Variants in CACHD1 observed in about 807,000 individuals in gnomAD.
The protein encoded by CACHD1 is VWFA and cache domain-containing protein 1.
CACHD1 carries 71 observed loss-of-function variants against 138.7 expected under a neutral mutation model. The observed-to-expected ratio is 0.51, with a 90% CI of 0.42 to 0.62. The LOEUF is 0.62. Among genes scored for constraint, CACHD1 ranks in the 20% least tolerant of loss-of-function variants. The probability of loss-of-function intolerance (pLI) is 0.00; values close to 1 mark genes in which losing one functional copy is unlikely to be tolerated. For missense variants in CACHD1, 1,389 were observed against 1,625.3 expected (o/e 0.85, Z 2.50); for synonymous variants, 578 against 591.5 (o/e 0.98, Z 0.33).
chr1:64,643,160 A>G (rs571630010), intron 8 of CACHD1, among the ~76,000 whole-genome samples: 178 of 149,580 alleles, frequency 1.2e-3, no homozygotes, highest in African/African-American at 4.2e-3. Flanking sequence ...CATGTGGTTC[A>G]GGGACAGTGG....
chr1:64,513,758 C>G (rs971491055), intron 1 of CACHD1, among the ~76,000 whole-genome samples: 3 of 152,230 alleles, frequency 2.0e-5, no homozygotes, highest in African/African-American at 7.2e-5. Flanking sequence ...TAGGAGCCAC[C>G]TAAAAGAAAC....
chr1:64,521,946 G>C (rs1044843096), intron 1 of CACHD1, among the ~76,000 whole-genome samples: 1 of 150,464 alleles, frequency 6.6e-6, no homozygotes, highest in African/African-American at 2.4e-5. Context: ...GGCATCCTTT[G>C]ATGCACAAAA....
intron 1 of CACHD1, among the ~76,000 whole-genome samples, chr1:64,546,299 T>C (rs1646717721): frequency 6.6e-6 from 1 of 152,100 alleles, no homozygotes; most frequent in African/African-American, 2.4e-5. Flanking sequence ...AGACCTGTCA[T>C]GATGGCTCTT....
intron 1 of CACHD1, among the ~76,000 whole-genome samples, chr1:64,511,835 C>T (rs917012866): frequency 1.3e-5 from 2 of 152,188 alleles, no homozygotes; most frequent in African/African-American, 4.8e-5. Context: ...CAGTTGCCTT[C>T]CTTTGAACTT....
intron 1 of CACHD1, among the ~76,000 whole-genome samples, chr1:64,474,047 T>C (rs993946894): frequency 7.2e-5 from 11 of 152,228 alleles, no homozygotes; most frequent in African/African-American, 2.7e-4. Flanking sequence ...CTACTCATGA[T>C]TTTTGTTGTT....
At chr1:64,471,749 C>T (rs902993252) in intron 1 of CACHD1, among the ~76,000 whole-genome samples, 6 of 152,154 alleles carry the variant, frequency 3.9e-5, no homozygotes, top group African/African-American at 1.4e-4. Flanking sequence ...TCCCATTTCT[C>T]CAGATTGTTT....
At chr1:64,568,271 G>T (rs992243498) in intron 2 of CACHD1, among the ~76,000 whole-genome samples, 1 of 152,110 alleles carries the variant, frequency 6.6e-6, no homozygotes, top group Non-Finnish European at 1.5e-5. Context: ...GGATGAAAGC[G>T]TAACATTGTT....
At chr1:64,617,073 T>C (rs752642197) in intron 4 of CACHD1, among the ~76,000 whole-genome samples, 3 of 150,980 alleles carry the variant, frequency 2.0e-5, no homozygotes, top group African/African-American at 4.9e-5. Context: ...AAAATGGAGA[T>C]TAATGTCTCA....
intron 13 of CACHD1, among the ~76,000 whole-genome samples, chr1:64,659,383 A>T (rs1023510668): frequency 6.6e-6 from 1 of 152,142 alleles, no homozygotes; most frequent in African/African-American, 2.4e-5. Context: ...GTATGGGGAT[A>T]TTGAGGTGGG....
intron 19 of CACHD1, among the ~76,000 whole-genome samples, chr1:64,673,730 G>C (rs967839520): frequency 6.6e-6 from 1 of 152,140 alleles, no homozygotes; most frequent in Non-Finnish European, 1.5e-5. Context: ...CCCAATGTAA[G>C]TCCTTTGAAA....
chr1:64,560,169 A>AT (rs1390263383), intron 2 of CACHD1, among the ~76,000 whole-genome samples: 1 of 151,962 alleles, frequency 6.6e-6, no homozygotes, highest in Non-Finnish European at 1.5e-5. Flanking sequence ...GTGATGACTT[A>AT]TTTTTTCAAA....
At chr1:64,613,535 A>G (rs1647603321) in intron 4 of CACHD1, 1 of 152,186 alleles carries the variant, frequency 6.6e-6, no homozygotes, top group African/African-American at 2.4e-5. Flanking sequence ...CTACGTGTTT[A>G]AAAGTCAGGC....
intron 2 of CACHD1, among the ~76,000 whole-genome samples, chr1:64,556,488 C>T (rs1358218892): frequency 6.6e-6 from 1 of 152,086 alleles, no homozygotes; most frequent in Non-Finnish European, 1.5e-5. Flanking sequence ...ATTAGATGCC[C>T]ATGGGTTCTT....
At chr1:64,589,902 T>C (rs1218895954) in intron 3 of CACHD1, among the ~76,000 whole-genome samples, 2 of 152,194 alleles carry the variant, frequency 1.3e-5, no homozygotes, top group South Asian at 4.1e-4. Context: ...AAAAGTGTAC[T>C]ACTAAACCTA....
chr1:64,678,114 G>A, intron 22 of CACHD1, 45 bp from the exon 23 acceptor site: 1 of 1,593,882 alleles, frequency 6.3e-7, no homozygotes, highest in East Asian at 2.3e-5. Context: ...GCTGTCCCCT[G>A]CCCCACACTG....
At chr1:64,474,440 C>A (rs1570287002) in intron 1 of CACHD1, among the ~76,000 whole-genome samples, 1 of 152,284 alleles carries the variant, frequency 6.6e-6, no homozygotes, top group East Asian at 1.9e-4. Context: ...GATGGTGATT[C>A]TTCCTCAAGA....
rs1650577504 is a variant in CACHD1, at chr1:64,691,981, A to G, written c.*420A>G. On this transcript the variant is annotated 3_prime_UTR_variant, in exon 27 of 27. Coordinates refer to ENST00000651257, the MANE Select transcript of CACHD1 (RefSeq NM_020925.4). ...CTGGAATGTGGCACATGCAGATACA[A>G]ATGTGTGCATTGAAGATTTCGCTTT... The G allele has an allele frequency of 4.9e-6, 1 of 205,992 alleles. No homozygotes were observed. The highest frequency in any genetic ancestry group is 1.0e-5 in the Non-Finnish European group (1 of 99,290). 12.8% of individuals were successfully genotyped at this position (205,992 alleles called of 1,614,324 possible). A position where few individuals can be genotyped will look rare whatever the true frequency, so the allele number is the denominator to read the frequency against.
chr1:64,504,901 TACACCAGGAGC>T (rs1646359593), intron 1 of CACHD1, among the ~76,000 whole-genome samples: 1 of 152,188 alleles, frequency 6.6e-6, no homozygotes, highest in African/African-American at 2.4e-5. Context: ...TGCGAGGATG[TACACCAGGAGC>T]ACACAGTGGC....
chr1:64,528,749 A>AT (rs575741652), intron 1 of CACHD1, among the ~76,000 whole-genome samples: 36 of 151,250 alleles, frequency 2.4e-4, no homozygotes, highest in South Asian at 1.7e-3. Flanking sequence ...TATTATAAAC[A>AT]TTTTTTTTTG....
Sources: gnomAD v4.1 joint callset for allele counts (sites outside exome capture counted in the v4.1 genomes callset) on GRCh38, gnomAD v4.1.1 for gene constraint, MANE v1.5 for transcripts, NCBI Gene and HGNC (gene_info 2026-07-23, HGNC 2026-07-21) for gene names.